MYO1B: variants seen among roughly 807,000 people sequenced by gnomAD.
MYO1B encodes the protein myosin IB.
In MYO1B, 72 loss-of-function variants were observed where a neutral mutation model predicts 159.7. The observed-to-expected ratio is 0.45, with a 90% CI of 0.37 to 0.55. The LOEUF (loss-of-function observed/expected upper bound fraction) is 0.55, where lower values mean the gene tolerates loss of function less well. Ranked by LOEUF, MYO1B falls within the 20% of genes least tolerant of loss-of-function variation. The pLI, the probability that MYO1B is intolerant of heterozygous loss-of-function variation, is 0.00. For synonymous variants in MYO1B, 468 were observed against 473.8 expected, an observed-to-expected ratio of 0.99 and a Z score of 0.16; for missense variants, 1,062 against 1,364.8, an observed-to-expected ratio of 0.78 and a Z score of 3.50.
At chr2:191,274,086 A>G (rs944629132) in intron 1 of MYO1B, among the ~76,000 whole-genome samples, 1 of 152,216 alleles carries the variant, frequency 6.6e-6, no homozygotes, top group East Asian at 1.9e-4. Flanking sequence ...AGAATGAGGT[A>G]GGCTGTCACT....
chr2:191,304,574 AAAC>A (rs1689531319), intron 3 of MYO1B, among the ~76,000 whole-genome samples: 1 of 112,042 alleles, frequency 8.9e-6, no homozygotes, highest in African/African-American at 2.8e-5. Context: ...CCATCTCAAA[AAAC>A]AACAACAGCA....
intron 1 of MYO1B, among the ~76,000 whole-genome samples, chr2:191,249,883 A>T (rs921024131): frequency 1.4e-4 from 21 of 152,204 alleles, no homozygotes; most frequent in Non-Finnish European, 2.6e-4. Context: ...AGGCAGACAC[A>T]TGGTTTGCTA....
intron 2 of MYO1B, among the ~76,000 whole-genome samples, chr2:191,288,724 A>G (rs1308948397): frequency 6.6e-6 from 1 of 152,210 alleles, no homozygotes; most frequent in Non-Finnish European, 1.5e-5. Context: ...AAATCACTCT[A>G]TCAGTCAGTG....
At chr2:191,337,306 A>G (rs753750524) in intron 4 of MYO1B, among the ~76,000 whole-genome samples, 1 of 152,230 alleles carries the variant, frequency 6.6e-6, no homozygotes, top group African/African-American at 2.4e-5. Context: ...ATGTTGTGTG[A>G]TAATTACATG....
intron 3 of MYO1B, among the ~76,000 whole-genome samples, chr2:191,321,407 T>C (rs2090621688): frequency 1.3e-5 from 2 of 152,148 alleles, no homozygotes; most frequent in African/African-American, 4.8e-5. Flanking sequence ...AACATTTGTG[T>C]TGGGAATTTG....
chr2:191,276,615 A>G (rs992715515), intron 1 of MYO1B, among the ~76,000 whole-genome samples: 58 of 152,210 alleles, frequency 3.8e-4, no homozygotes, highest in African/African-American at 1.4e-3. Context: ...GGAGAAGACC[A>G]TGGCTTTCTA....
chr2:191,362,691 A>G (rs560879212), intron 9 of MYO1B, among the ~76,000 whole-genome samples: 23 of 152,306 alleles, frequency 1.5e-4, no homozygotes, highest in African/African-American at 5.1e-4. Context: ...TTAATTTCCA[A>G]CTGCCCTTGG....
intron 16 of MYO1B, 71 bp from the exon 17 acceptor site, chr2:191,387,153 G>A (rs914433537): frequency 3.7e-5 from 53 of 1,447,596 alleles, no homozygotes; most frequent in Non-Finnish European, 4.9e-5. Flanking sequence ...TAGTCTTGGA[G>A]TATTTTTAAT....
At chr2:191,358,052 G>A (rs1337499311) in intron 7 of MYO1B, among the ~76,000 whole-genome samples, 1 of 152,062 alleles carries the variant, frequency 6.6e-6, no homozygotes, top group Admixed American at 6.6e-5. Context: ...TTGCTTAGGC[G>A]AATTCATGTA....
intron 13 of MYO1B, among the ~76,000 whole-genome samples, chr2:191,373,548 C>G (rs762677707): frequency 6.6e-6 from 1 of 152,140 alleles, no homozygotes; most frequent in African/African-American, 2.4e-5. Context: ...GGCCAACGTG[C>G]GTGGATCACG....
intron 4 of MYO1B, among the ~76,000 whole-genome samples, chr2:191,333,267 A>G (rs1313206457): frequency 6.6e-6 from 1 of 152,114 alleles, no homozygotes; most frequent in African/African-American, 2.4e-5. Flanking sequence ...TCTCCCAGCT[A>G]TGTATTTACT....
At chr2:191,365,268 C>G (rs992580027) in intron 11 of MYO1B, among the ~76,000 whole-genome samples, 10 of 152,222 alleles carry the variant, frequency 6.6e-5, no homozygotes, top group African/African-American at 2.4e-4. Flanking sequence ...CTTTGTCCAA[C>G]TGTATTCTTG....
rs1695630021 is a variant in MYO1B at position 191,389,757 on chromosome 2, A to G, written c.1782-535A>G. On this transcript the variant is annotated intron_variant, in intron 17 of 30. Coordinates refer to ENST00000392318, the MANE Select transcript of MYO1B (RefSeq NM_001130158.3). ...GTTTTTTATCTTTTTATTGAGGTAT[A>G]ATACACATACATTAAAGTGCATGGA... Among the ~76,000 whole-genome samples, 3 of 152,224 alleles carry G rather than the reference A, an allele frequency of 2.0e-5. 1 individual carries two copies. Among genetic ancestry groups the G allele is most frequent in the Non-Finnish European group, 4.4e-5 (3 of 68,042 alleles).
intron 5 of MYO1B, among the ~76,000 whole-genome samples, chr2:191,344,540 C>G (rs528629182): frequency 6.6e-6 from 1 of 152,184 alleles, no homozygotes; most frequent in South Asian, 2.1e-4. Context: ...TTTTAAGAAT[C>G]AAAAACACAG....
At chr2:191,333,362 C>CGGTA (rs1469089215) in intron 4 of MYO1B, among the ~76,000 whole-genome samples, 5 of 152,186 alleles carry the variant, frequency 3.3e-5, no homozygotes, top group African/African-American at 1.2e-4. Context: ...CTCTCTTTAC[C>CGGTA]CTCTTATAAC....
intron 1 of MYO1B, among the ~76,000 whole-genome samples, chr2:191,254,889 C>T (rs1236476090): frequency 6.6e-6 from 1 of 152,022 alleles, no homozygotes; most frequent in East Asian, 1.9e-4. Flanking sequence ...GTTTAGGTGC[C>T]TAGTATGTTT....
chr2:191,297,138 C>G lies in MYO1B; in HGVS notation c.251+912C>G, dbSNP rs567825345. ...TTCACCATTTACATTCTCATGTCCA[C>G]TACTGAGTTTAAAGGAAAGAGAAAT... On this transcript the variant is annotated intron_variant, in intron 3 of 30. Coordinates refer to ENST00000392318, the MANE Select transcript of MYO1B (RefSeq NM_001130158.3). 5.0e-5 allele frequency among the ~76,000 whole-genome samples: 6 copies of G among 120,058 alleles called. No individual in the cohort carries two copies. In the South Asian group the frequency reaches 1.6e-3, roughly 32 times the overall value. The allele number at this position is 120,058 out of a possible 152,430, so 78.8% of individuals were successfully genotyped here.
At chr2:191,390,102 C>G (rs1291095929) in intron 17 of MYO1B, among the ~76,000 whole-genome samples, 190 bp from the exon 18 acceptor site, 8 of 151,644 alleles carry the variant, frequency 5.3e-5, no homozygotes, top group Non-Finnish European at 1.0e-4. Flanking sequence ...AATTACTGTG[C>G]CTGCAGTATT....
chr2:191,303,567 A>G (rs1481135086), intron 3 of MYO1B, among the ~76,000 whole-genome samples: 1 of 152,204 alleles, frequency 6.6e-6, no homozygotes. Flanking sequence ...ACTGGGATAC[A>G]GCAGTGAACA....
Sources: gnomAD v4.1 joint callset for allele counts (sites outside exome capture counted in the v4.1 genomes callset) on GRCh38, gnomAD v4.1.1 for gene constraint, MANE v1.5 for transcripts, NCBI Gene and HGNC (gene_info 2026-07-23, HGNC 2026-07-21) for gene names.